The following HIVEP3 variants were observed in gnomAD, a reference collection of about 807,000 sequenced individuals.
The protein encoded by HIVEP3 is transcription factor HIVEP3.
HIVEP3 carries 49 observed loss-of-function variants against 152.8 expected under a neutral mutation model. The ratio of observed to expected loss-of-function variants is 0.32; its 90% CI spans 0.26 to 0.41. The LOEUF is 0.41. Among genes scored for constraint, HIVEP3 ranks in the 10% least tolerant of loss-of-function variants. The pLI is 1.00. For missense variants in HIVEP3, 2,790 were observed against 3,103.3 expected, an observed-to-expected ratio of 0.90 and a Z score of 2.40; for synonymous variants, 1,269 against 1,289.0, an observed-to-expected ratio of 0.98 and a Z score of 0.33.
intron 2 of HIVEP3, among the ~76,000 whole-genome samples, chr1:41,635,081 G>C (rs942705429): frequency 6.6e-6 from 1 of 152,146 alleles, no homozygotes; most frequent in African/African-American, 2.4e-5. Context: ...TGCACGAATT[G>C]TACGGACCAC....
rs1396136328 is a variant in HIVEP3, at chr1:41,562,567, TTCCTTCTTTTCC to T, written c.5207+12965_5207+12976del. On this transcript the variant is annotated intron_variant, in intron 5 of 8. Transcript: ENST00000372583. ...CTTCCTTCCTTCCTTCTTTCCTTCT[TTCCTTCTTTTCC>T]TTCCTTCCTTCCTTCCTTTCTTTCT... Among the ~76,000 whole-genome samples, 4 of 150,370 alleles carry T rather than the reference TTCCTTCTTTTCC, an allele frequency of 2.7e-5. No homozygotes were observed. The South Asian group carries it at 6.4e-4, about 24-fold the overall frequency.
chr1:41,989,638 C>A (rs1645345116), intron 1 of HIVEP3, among the ~76,000 whole-genome samples: 1 of 151,448 alleles, frequency 6.6e-6, no homozygotes, highest in South Asian at 2.1e-4. Context: ...TCTGTGTAGG[C>A]AAAACAACAA....
chr1:41,608,917 C>CAAA (rs35714997), intron 3 of HIVEP3, among the ~76,000 whole-genome samples: 11,396 of 123,356 alleles, frequency 0.092, 853 homozygotes, highest in Admixed American at 0.24. Context: ...CTAAAAATAC[C>CAAA]AAAAAAAAAA....
rs147437188 is a variant in HIVEP3, at chr1:42,018,889, G to A, written n.119+16918C>T. 5.2e-3 allele frequency among the ~76,000 whole-genome samples: 787 copies of A among 152,098 alleles called. 4 individuals carry two copies. The highest frequency in any genetic ancestry group is 9.5e-3 in the Admixed American group (145 of 15,272). The stretch of plus-strand genomic sequence containing the variant: ...TTCATTTGTCTACAAATGTATTGCT[G>A]TTTGTTGAAGATGCTATATAAGCCT... On this transcript the variant is annotated intron_variant and non_coding_transcript_variant, in intron 1 of 3. Transcript: ENST00000489103.
intron 1 of HIVEP3, among the ~76,000 whole-genome samples, chr1:41,855,905 A>ATT (rs1643752803): frequency 6.6e-6 from 1 of 152,230 alleles, no homozygotes; most frequent in Non-Finnish European, 1.5e-5. Flanking sequence ...TGATTGATTG[A>ATT]GACAGAGTCT....
chr1:41,564,258 G>A (rs1485708054), intron 5 of HIVEP3, among the ~76,000 whole-genome samples: 1 of 152,116 alleles, frequency 6.6e-6, no homozygotes, highest in African/African-American at 2.4e-5. Context: ...ATGGAGGGAC[G>A]TACTCAGAGA....
intron 1 of HIVEP3, among the ~76,000 whole-genome samples, chr1:41,715,655 G>A (rs1191069066): frequency 6.6e-6 from 1 of 152,188 alleles, no homozygotes; most frequent in Non-Finnish European, 1.5e-5. Context: ...AATCAGACTG[G>A]GGTCCCCAGG....
At chr1:41,905,390 C>T (rs1644693903) in intron 1 of HIVEP3, among the ~76,000 whole-genome samples, 1 of 152,150 alleles carries the variant, frequency 6.6e-6, no homozygotes, top group Non-Finnish European at 1.5e-5. Context: ...TGCCAGGCAA[C>T]AGAGCAGTTG....
intron 1 of HIVEP3, among the ~76,000 whole-genome samples, chr1:41,870,685 CT>C (rs1557468676): frequency 6.6e-6 from 1 of 152,180 alleles, no homozygotes; most frequent in African/African-American, 2.4e-5. Flanking sequence ...ATTTATTAAT[CT>C]ACTAGTAAGT....
chr1:41,956,804 G>C (rs1019495955), intron 1 of HIVEP3, among the ~76,000 whole-genome samples: 1 of 152,172 alleles, frequency 6.6e-6, no homozygotes, highest in African/African-American at 2.4e-5. Context: ...AATTATTGAA[G>C]CTACAATATG....
chr1:41,929,154 T>A (rs1644983015), intron 1 of HIVEP3, among the ~76,000 whole-genome samples: 1 of 152,134 alleles, frequency 6.6e-6, no homozygotes, highest in South Asian at 2.1e-4. Flanking sequence ...TAGGGGTGAT[T>A]TTCTATTTCC....
chr1:41,784,058 G>T (rs544914779), intron 1 of HIVEP3, among the ~76,000 whole-genome samples: 9 of 152,340 alleles, frequency 5.9e-5, no homozygotes, highest in African/African-American at 2.2e-4. Context: ...GGGAATTCTG[G>T]GTTTGCAGAG....
chr1:41,688,079 G>A lies in HIVEP3; in HGVS notation c.-721+12837C>T, dbSNP rs572158337. 2.0e-4 allele frequency among the ~76,000 whole-genome samples: 30 copies of A among 152,356 alleles called. No individual in the cohort carries two copies. In the East Asian group the frequency reaches 5.2e-3, roughly 26 times the overall value. On this transcript the variant is annotated intron_variant, in intron 2 of 8. Coordinates refer to ENST00000372583, the MANE Select transcript of HIVEP3 (RefSeq NM_024503.5). ...AGATGCATGTGCCTGTGGGCACCAC[G>A]GTTCTTGTTGATAGTTCCTGACACC...
intron 2 of HIVEP3, among the ~76,000 whole-genome samples, chr1:41,635,229 C>T (rs1168927004): frequency 2.0e-5 from 3 of 152,046 alleles, no homozygotes; most frequent in South Asian, 4.1e-4. Context: ...GCAACGCTAT[C>T]GTAGGATAAT....
At chr1:41,564,763 T>C (rs562130307) in intron 5 of HIVEP3, among the ~76,000 whole-genome samples, 38 of 152,328 alleles carry the variant, frequency 2.5e-4, no homozygotes, top group African/African-American at 9.1e-4. Context: ...ATGCATCTTC[T>C]CTGAAGAAGA....
intron 2 of HIVEP3, among the ~76,000 whole-genome samples, chr1:41,632,193 G>A (rs1481322771): frequency 6.6e-6 from 1 of 152,140 alleles, no homozygotes; most frequent in Non-Finnish European, 1.5e-5. Flanking sequence ...CCCCGAGTAT[G>A]GCCTGTCACA....
intron 1 of HIVEP3, among the ~76,000 whole-genome samples, chr1:41,801,620 CT>C (rs1650307020): frequency 6.6e-6 from 1 of 151,986 alleles, no homozygotes; most frequent in African/African-American, 2.4e-5. Context: ...CAGCATGCGC[CT>C]GTAGTCCCAG....
At chr1:42,032,419 G>T (rs1027130240) in intron 1 of HIVEP3, among the ~76,000 whole-genome samples, 1 of 152,194 alleles carries the variant, frequency 6.6e-6, no homozygotes, top group African/African-American at 2.4e-5. Flanking sequence ...TGCAACACCC[G>T]TTGGGAAATA....
chr1:41,836,746 C>T (rs1643135031), intron 1 of HIVEP3, among the ~76,000 whole-genome samples: 1 of 152,226 alleles, frequency 6.6e-6, no homozygotes, highest in South Asian at 2.1e-4. Flanking sequence ...ACCTAAGAGG[C>T]ATCCTGGCTT....
Sources: allele counts gnomAD v4.1 joint callset (sites outside exome capture counted in the v4.1 genomes callset), GRCh38; gene constraint gnomAD v4.1.1; transcripts MANE v1.5; gene names NCBI Gene and HGNC (gene_info 2026-07-23, HGNC 2026-07-21).